Variants in THRAP3 observed in about 807,000 individuals in gnomAD.
THRAP3 encodes thyroid hormone receptor associated protein 3.
In THRAP3, 16 loss-of-function variants were observed where a neutral mutation model predicts 101.0. The observed-to-expected ratio is 0.16, with a 90% CI of 0.11 to 0.24. The LOEUF (loss-of-function observed/expected upper bound fraction) is 0.24, where lower values mean the gene tolerates loss of function less well. Ranked by LOEUF, THRAP3 falls within the 10% of genes least tolerant of loss-of-function variation. The pLI, the probability that THRAP3 is intolerant of heterozygous loss-of-function variation, is 1.00. For synonymous variants in THRAP3, 407 were observed against 422.6 expected (o/e 0.96, Z 0.45); for missense variants, 989 against 1,202.7 (o/e 0.82, Z 2.63).
chr1:36,294,227 G>A, intron 8 of THRAP3: 3 of 1,165,568 alleles, frequency 2.6e-6, no homozygotes, highest in Non-Finnish European at 3.2e-6. Context: ...AACTTTTTGT[G>A]ATATTTTTCT....
At chr1:36,242,642 C>T (rs1429667943) in intron 1 of THRAP3, among the ~76,000 whole-genome samples, 2 of 151,728 alleles carry the variant, frequency 1.3e-5, no homozygotes, top group African/African-American at 2.4e-5. Flanking sequence ...TTAGTAGAGA[C>T]GGGGTTTCAC....
intron 5 of THRAP3, among the ~76,000 whole-genome samples, chr1:36,290,242 C>A (rs956399882): frequency 6.6e-6 from 1 of 151,896 alleles, no homozygotes; most frequent in Admixed American, 6.6e-5. Flanking sequence ...GTCACCCAGG[C>A]TGGAGTGCAG....
In THRAP3 at chr1:36,286,267, G is replaced by A. The variant is rs1206533945; in HGVS notation, c.138-101G>A. 6 of 1,242,618 alleles carry A rather than the reference G, an allele frequency of 4.8e-6. No individual in the cohort carries two copies. The Admixed American group carries it at 1.2e-4, about 25-fold the overall frequency. The allele number at this position is 1,242,618 out of a possible 1,614,324, so 77.0% of individuals were successfully genotyped here. ...CCTTGCTTTGAAAACAAAACTGAAA[G>A]TGAATGACACATAAGGGCAGGGATT... On this transcript the variant is annotated intron_variant, in intron 3 of 11. Coordinates refer to ENST00000354618, the MANE Select transcript of THRAP3 (RefSeq NM_005119.4). This position sits in a 1 kb window ranked among gnomAD's most constrained non-coding sequence, Gnocchi z 5.5.
chr1:36,303,786 T>A lies in THRAP3; in HGVS notation c.2647-10T>A. The A allele has an allele frequency of 1.2e-6, 2 of 1,613,926 alleles. No homozygotes were observed. Among genetic ancestry groups the A allele is most frequent in the Non-Finnish European group, 1.7e-6 (2 of 1,179,916 alleles). On this transcript the variant is annotated splice_polypyrimidine_tract_variant and intron_variant, in intron 11 of 11. Coordinates refer to ENST00000354618, the MANE Select transcript of THRAP3 (RefSeq NM_005119.4). The stretch of plus-strand genomic sequence containing the variant: ...ACTCTGGCACTGATGGCAATTTTCT[T>A]TCCCCTCAGCATGATGACCGTGAAG...
At chr1:36,272,939 A>G (rs895987233) in intron 2 of THRAP3, among the ~76,000 whole-genome samples, 1 of 152,216 alleles carries the variant, frequency 6.6e-6, no homozygotes, top group Non-Finnish European at 1.5e-5. Context: ...CCTTGACTGT[A>G]TTGTTAATAT....
chr1:36,213,950 AGAAAGAAAGAAG>A, the THRAP3 span, among the ~76,000 whole-genome samples: 683 of 124,412 alleles, frequency 5.5e-3, 17 homozygotes, highest in Admixed American at 9.3e-3. Flanking sequence ...AAAGAAAGAA[AGAAAGAAAGAAG>A]GAAAGAGAAA....
intron 2 of THRAP3, among the ~76,000 whole-genome samples, chr1:36,266,047 G>A (rs1272037914): frequency 6.6e-6 from 1 of 151,758 alleles, no homozygotes; most frequent in African/African-American, 2.4e-5. Flanking sequence ...CCAGCTACTC[G>A]GGAGGCTGAG....
chr1:36,289,809 G>A lies in THRAP3; in HGVS notation c.1745+45G>A, dbSNP rs1353988432. ...GATCCTCAGTGCTTTAGTGGCCTAA[G>A]TGGTGTCGCCTAGCCTTTCTCCCTG... On this transcript the variant is annotated intron_variant, in intron 5 of 11. Transcript: ENST00000354618. The A allele has an allele frequency of 1.9e-6, 3 of 1,545,426 alleles. No individual in the cohort carries two copies. The African/African-American group carries it at 4.1e-5, about 21-fold the overall frequency.
the THRAP3 span, among the ~76,000 whole-genome samples, chr1:36,210,032 A>C: frequency 3.9e-5 from 6 of 152,288 alleles, no homozygotes; most frequent in African/African-American, 1.4e-4. Flanking sequence ...TGGTCCATAC[A>C]CTGGTTTTTT....
intron 1 of THRAP3, among the ~76,000 whole-genome samples, chr1:36,237,660 A>C (rs567555186): frequency 6.6e-6 from 1 of 151,940 alleles, no homozygotes; most frequent in Non-Finnish European, 1.5e-5. Flanking sequence ...AATCCCAGCT[A>C]CTTGGGAGTC....
intron 1 of THRAP3, among the ~76,000 whole-genome samples, chr1:36,249,152 G>A (rs1645267040): frequency 2.7e-5 from 4 of 150,326 alleles, no homozygotes; most frequent in East Asian, 3.9e-4. Flanking sequence ...CCAAAGTGCT[G>A]GGATACAGGT....
intron 2 of THRAP3, among the ~76,000 whole-genome samples, chr1:36,261,661 G>A (rs1243329442): frequency 6.6e-6 from 1 of 152,218 alleles, no homozygotes; most frequent in Non-Finnish European, 1.5e-5. Context: ...CTGGTTGAGT[G>A]TGTGGATCTA....
At chr1:36,263,765 G>T (rs1645477640) in intron 2 of THRAP3, among the ~76,000 whole-genome samples, 2 of 152,190 alleles carry the variant, frequency 1.3e-5, no homozygotes, top group Non-Finnish European at 2.9e-5. Flanking sequence ...CGCATTGACT[G>T]AATTCTCAGA....
intron 2 of THRAP3, among the ~76,000 whole-genome samples, 157 bp from the exon 3 acceptor site, chr1:36,282,376 G>T (rs1645743455): frequency 6.7e-6 from 1 of 150,100 alleles, no homozygotes; most frequent in African/African-American, 2.5e-5. Flanking sequence ...GCACCACTGT[G>T]ACTGGCTAAT....
the THRAP3 span, among the ~76,000 whole-genome samples, chr1:36,213,825 C>T: frequency 1.2e-4 from 17 of 146,424 alleles, no homozygotes; most frequent in African/African-American, 3.8e-4. Context: ...CCAGCCTGGG[C>T]AACAAGAGCC....
intron 6 of THRAP3, 88 bp downstream of exon 6, chr1:36,291,634 C>G: frequency 1.4e-6 from 2 of 1,449,860 alleles, no homozygotes; most frequent in Non-Finnish European, 1.9e-6. Flanking sequence ...TTTGGGGGAC[C>G]TTGTATCTCA....
intron 9 of THRAP3, among the ~76,000 whole-genome samples, chr1:36,297,444 ATTT>A (rs764365723): frequency 3.3e-5 from 4 of 122,368 alleles, no homozygotes; most frequent in South Asian, 2.5e-4. Context: ...GCTGGCAAGC[ATTT>A]TTTTTTTTTT....
intron 1 of THRAP3, among the ~76,000 whole-genome samples, chr1:36,229,423 G>GTTT (rs35936037): frequency 5.1e-5 from 2 of 38,942 alleles, no homozygotes; most frequent in African/African-American, 6.8e-5. Context: ...TTTTTTTTTT[G>GTTT]TTTTTTTTTT....
chr1:36,277,825 T>C (rs976817852), intron 2 of THRAP3, among the ~76,000 whole-genome samples: 1 of 152,084 alleles, frequency 6.6e-6, no homozygotes, highest in Non-Finnish European at 1.5e-5. Context: ...AATGGCACAA[T>C]CTAGGCTCAC....
Sources: allele counts gnomAD v4.1 joint callset (sites outside exome capture counted in the v4.1 genomes callset), GRCh38; gene constraint gnomAD v4.1.1; non-coding constraint Gnocchi (gnomAD v3.1); transcripts MANE v1.5; gene names NCBI Gene and HGNC (gene_info 2026-07-23, HGNC 2026-07-21).